LVRN: variants seen among roughly 807,000 people sequenced by gnomAD.
LVRN encodes the protein laeverin, also known as aminopeptidase Q.
A neutral mutation model predicts 111.4 loss-of-function variants in LVRN; 99 were observed. That is an observed-to-expected ratio of 0.89 (90% CI 0.76 to 1.05). The LOEUF is 1.05. LVRN is among the 50% of genes least tolerant of loss of function. The pLI is 0.00. For missense variants in LVRN, 1,414 were observed against 1,206.8 expected, an observed-to-expected ratio of 1.17 and a Z score of -2.54; for synonymous variants, 488 against 449.5, an observed-to-expected ratio of 1.09 and a Z score of -1.08.
In LVRN at chr5:115,983,350, G is replaced by C; in HGVS notation, c.759G>C (p.Glu253Asp). ...FARYVFPCFD[E>D]PALKATFNIT... is the part of the protein sequence containing the mutation. ...GGTATGTTTTCCCTTGTTTTGATGAGCCAGCTCTGAAGGCAACTTTTAATA... is the reference window on the plus strand; with the variant it reads ...GGTATGTTTTCCCTTGTTTTGATGACCCAGCTCTGAAGGCAACTTTTAATA... The change falls in exon 2 of 20, where the codon GAG becomes GAC. Residue 253 changes from glutamate (E) to aspartate (D), a missense_variant. By Grantham distance (45) the Glu-to-Asp change is conservative. Coordinates refer to ENST00000357872, the MANE Select transcript of LVRN (RefSeq NM_173800.5). 6.2e-7 allele frequency: 1 copy of C among 1,611,862 alleles called. No homozygotes were observed. Among genetic ancestry groups the C allele is most frequent in the Non-Finnish European group, 8.5e-7 (1 of 1,179,284 alleles).
At chr5:115,989,777 A>G (rs1253293798) in intron 4 of LVRN, among the ~76,000 whole-genome samples, 1 of 152,182 alleles carries the variant, frequency 6.6e-6, no homozygotes, top group African/African-American at 2.4e-5. Flanking sequence ...ATGAGCGCCC[A>G]TAGGAGGTAC....
intron 12 of LVRN, 103 bp from the exon 13 acceptor site, chr5:116,005,809 G>C: frequency 1.1e-6 from 1 of 900,586 alleles, no homozygotes; most frequent in East Asian, 2.5e-5. Context: ...TCACGTGAAG[G>C]TGCTTTATAG....
chr5:116,026,295 T>C lies in LVRN; in HGVS notation c.*177T>C. On this transcript the variant is annotated 3_prime_UTR_variant, in exon 20 of 20. Transcript: ENST00000357872. ...CATGTTTGGCCCTGAGGGTGGGTGA[T>C]TGCTGACAATTTTGCCAATGCTGCT... 1.1e-6 allele frequency: 1 copy of C among 891,318 alleles called. No individual in the cohort carries two copies. Among genetic ancestry groups the C allele is most frequent in the East Asian group, 2.8e-5 (1 of 35,498 alleles). The allele number at this position is 891,318 out of a possible 1,614,324, so 55.2% of individuals were successfully genotyped here.
chr5:116,011,041 T>TGATATTTTTCATAGCAGTTATG, intron 14 of LVRN, 147 bp downstream of exon 14: 1 of 242,662 alleles, frequency 4.1e-6, no homozygotes, highest in Non-Finnish European at 7.2e-6. Context: ...GTATATACAT[T>TGATATTTTTCATAGCAGTTATG]TCCTTAACAA....
Position 116,026,112 on chromosome 5 carries a change from C to T in LVRN, c.2967C>T (p.Asn989=). 6 of 1,613,746 alleles carry T rather than the reference C, an allele frequency of 3.7e-6. No individual in the cohort carries two copies. Among genetic ancestry groups the T allele is most frequent in the Non-Finnish European group, 4.2e-6 (5 of 1,179,768 alleles). Reference sequence around the variant, plus strand: ...GGATAGCTGCGTGGCTAAGGAGAAACACATAGCTTGTGGCTATCTTTCAGC... The same window carrying T: ...GGATAGCTGCGTGGCTAAGGAGAAATACATAGCTTGTGGCTATCTTTCAGC... ...SARIAAWLRR[N]T Residue 989 remains asparagine, a synonymous_variant, in exon 20 of 20, where the codon AAC becomes AAT. Transcript: ENST00000357872.
intron 19 of LVRN, 96 bp from the exon 20 acceptor site, chr5:116,025,882 A>G: frequency 6.6e-7 from 1 of 1,504,256 alleles, no homozygotes; most frequent in Non-Finnish European, 9.0e-7. Context: ...ATCATCACCA[A>G]TTTACAAACT....
intron 3 of LVRN, 115 bp from the exon 4 acceptor site, chr5:115,987,698 C>G: frequency 1.6e-6 from 2 of 1,259,856 alleles, no homozygotes; most frequent in Non-Finnish European, 2.2e-6. Context: ...TATTATGCAG[C>G]TTCTTCTGGA....
At chr5:116,004,246 C>A (rs1748308769) in intron 12 of LVRN, among the ~76,000 whole-genome samples, 1 of 152,162 alleles carries the variant, frequency 6.6e-6, no homozygotes, top group Non-Finnish European at 1.5e-5. Context: ...CTATAAGTAA[C>A]TATGCAGTGT....
At chr5:116,010,295 T>A (rs1400783653) in intron 13 of LVRN, among the ~76,000 whole-genome samples, 1 of 152,100 alleles carries the variant, frequency 6.6e-6, no homozygotes, top group African/African-American at 2.4e-5. Context: ...TGCTTTATTA[T>A]GATATTAGCT....
rs771013903 is a variant in LVRN, at chr5:116,026,040, A to G, written c.2895A>G (p.Leu965=). The change falls in exon 20 of 20, where the codon TTA becomes TTG. Residue 965 remains leucine, a synonymous_variant. Transcript: ENST00000357872. ...AGAGGATCAGAGTTCATGCCAACTT[A>G]CAGACAATAAAGAATGAAAATCTGA... ...EHQRIRVHAN[L]QTIKNENLKN... The G allele has an allele frequency of 1.2e-6, 2 of 1,613,974 alleles. No individual in the cohort carries two copies. The highest frequency in any genetic ancestry group is 1.7e-6 in the Non-Finnish European group (2 of 1,179,894).
intron 13 of LVRN, among the ~76,000 whole-genome samples, chr5:116,007,002 A>G (rs1353536080): frequency 1.3e-5 from 2 of 152,116 alleles, no homozygotes; most frequent in Non-Finnish European, 2.9e-5. Flanking sequence ...TCTTTGCTTC[A>G]TCTTACATGC....
intron 13 of LVRN, among the ~76,000 whole-genome samples, chr5:116,006,764 T>C (rs1485159787): frequency 6.6e-6 from 1 of 152,208 alleles, no homozygotes; most frequent in Non-Finnish European, 1.5e-5. Context: ...TGTAAGGTCC[T>C]CAGTAAATGT....
intron 10 of LVRN, among the ~76,000 whole-genome samples, chr5:116,002,521 G>T (rs1580392193): frequency 6.6e-6 from 1 of 152,230 alleles, no homozygotes; most frequent in African/African-American, 2.4e-5. Flanking sequence ...CTACCCTTGA[G>T]TGAAGCCAGG....
intron 6 of LVRN, 115 bp from the exon 7 acceptor site, chr5:115,999,647 A>AT (rs750588303): frequency 3.0e-5 from 34 of 1,137,006 alleles, no homozygotes; most frequent in Non-Finnish European, 4.0e-5. Context: ...ACACTTCTCA[A>AT]TTACTGAATT....
intron 18 of LVRN, among the ~76,000 whole-genome samples, chr5:116,017,364 G>A (rs1029247756): frequency 6.6e-6 from 1 of 152,208 alleles, no homozygotes; most frequent in Non-Finnish European, 1.5e-5. Flanking sequence ...TCTAACTGGT[G>A]TCGTATGTGA....
intron 13 of LVRN, among the ~76,000 whole-genome samples, chr5:116,008,500 T>C (rs970692367): frequency 2.0e-5 from 3 of 151,992 alleles, no homozygotes; most frequent in Non-Finnish European, 2.9e-5. Flanking sequence ...GAAATTGAGA[T>C]AGGCCGAAAC....
intron 18 of LVRN, among the ~76,000 whole-genome samples, chr5:116,016,377 T>C (rs1417515312): frequency 6.6e-6 from 1 of 152,226 alleles, no homozygotes. Context: ...CTAGTCCTCA[T>C]GTAATGATGA....
intron 2 of LVRN, among the ~76,000 whole-genome samples, chr5:115,984,006 T>C (rs1019876453): frequency 6.6e-6 from 1 of 152,176 alleles, no homozygotes; most frequent in Non-Finnish European, 1.5e-5. Context: ...AGTCTTGCTG[T>C]CTCCAGCAGG....
At chr5:115,989,843 A>G (rs1261850342) in intron 4 of LVRN, among the ~76,000 whole-genome samples, 2 of 152,114 alleles carry the variant, frequency 1.3e-5, no homozygotes, top group South Asian at 2.1e-4. Context: ...TTCCTCTATT[A>G]TTGGGTTTTT....
Sources: allele counts gnomAD v4.1 joint callset (sites outside exome capture counted in the v4.1 genomes callset), GRCh38; gene constraint gnomAD v4.1.1; transcripts MANE v1.5; gene names NCBI Gene and HGNC (gene_info 2026-07-23, HGNC 2026-07-21).